Variants in SORL1 observed in about 807,000 individuals in gnomAD.
The protein encoded by SORL1 is sortilin related receptor 1.
Under a neutral mutation model 273.7 loss-of-function variants are expected in SORL1, and 127 were observed. That is an observed-to-expected ratio of 0.46 (90% CI 0.40 to 0.54). SORL1 has a LOEUF of 0.54. SORL1 is among the 20% of genes least tolerant of loss of function. The pLI, the probability that SORL1 is intolerant of heterozygous loss-of-function variation, is 0.00. For synonymous variants in SORL1, 1,031 were observed against 1,067.4 expected (o/e 0.97, Z 0.66); for missense variants, 2,494 against 2,846.1 (o/e 0.88, Z 2.81).
intron 1 of SORL1, among the ~76,000 whole-genome samples, chr11:121,464,773 G>A (rs550636103): frequency 6.6e-6 from 1 of 152,298 alleles, no homozygotes; most frequent in East Asian, 1.9e-4. Flanking sequence ...CTGGGGACAG[G>A]GAGGCCTGTG....
chr11:121,507,677 T>G (rs959380918), intron 6 of SORL1, among the ~76,000 whole-genome samples: 22 of 152,284 alleles, frequency 1.4e-4, no homozygotes, highest in African/African-American at 4.8e-4. Context: ...TCTCATACTG[T>G]CCTTTCATAC....
Position 121,627,568 on chromosome 11 carries a change from T to C in SORL1, c.6378T>C (p.Ser2126=). 4 of 1,614,160 alleles carry C rather than the reference T, an allele frequency of 2.5e-6. No homozygotes were observed. Among genetic ancestry groups the C allele is most frequent in the Non-Finnish European group, 3.4e-6 (4 of 1,180,006 alleles). The change falls in exon 47 of 48, where the codon TCT becomes TCC. Residue 2126 remains serine (S), a synonymous_variant. Coordinates refer to ENST00000260197, the MANE Select transcript of SORL1 (RefSeq NM_003105.6). This position sits in a 1 kb window ranked among gnomAD's most constrained non-coding sequence, Gnocchi z 4.9. ...YDELGSGADA[S]ATQAARSTDV... ...TTGCCTTGGCAGGTGCAGATGCATC[T>C]GCAACGCAGGCTGCCAGATCTACGG...
chr11:121,540,105 A>G (rs1278558255), intron 12 of SORL1, among the ~76,000 whole-genome samples: 2 of 152,210 alleles, frequency 1.3e-5, no homozygotes, highest in Non-Finnish European at 2.9e-5. Context: ...GCTCTTGGTT[A>G]TATGACCTTT....
intron 41 of SORL1, among the ~76,000 whole-genome samples, chr11:121,616,577 C>T (rs184370221): frequency 4.5e-4 from 69 of 152,326 alleles, no homozygotes; most frequent in African/African-American, 1.6e-3. Flanking sequence ...TGGCCTACTC[C>T]CATCTCATGC....
chr11:121,505,694 G>A (rs1443784939), intron 6 of SORL1, among the ~76,000 whole-genome samples: 3 of 151,646 alleles, frequency 2.0e-5, no homozygotes, highest in African/African-American at 7.3e-5. Flanking sequence ...GATTCCTTTT[G>A]ACTTCATTGA....
In SORL1 at chr11:121,550,192, T is replaced by G; in HGVS notation, c.2180+104T>G. ...TTGCTCTACACTCGAAATTCTAGAA[T>G]TCCAAGTTAACAGCCTGCAAGTAGT... is the stretch of plus-strand genomic sequence containing the variant. On this transcript the variant is annotated intron_variant, in intron 15 of 47. Transcript: ENST00000260197. The surrounding 1 kb of genome is among the most constrained non-coding windows in gnomAD (Gnocchi z 5.3). 1 of 1,219,452 alleles carries G rather than the reference T, an allele frequency of 8.2e-7. No homozygotes were observed. The highest frequency in any genetic ancestry group is 1.1e-6 in the Non-Finnish European group (1 of 891,392). The allele number at this position is 1,219,452 out of a possible 1,614,324, so 75.5% of individuals were successfully genotyped here. A position where few individuals can be genotyped will look rare whatever the true frequency, so the allele number is the denominator to read the frequency against.
intron 11 of SORL1, among the ~76,000 whole-genome samples, chr11:121,531,853 CT>C (rs1485812599): frequency 6.6e-6 from 1 of 152,186 alleles, no homozygotes; most frequent in Non-Finnish European, 1.5e-5. Flanking sequence ...TCTCTGGTTC[CT>C]TTGGGGGAAA....
intron 6 of SORL1, among the ~76,000 whole-genome samples, chr11:121,497,442 G>A (rs1183480545): frequency 1.3e-5 from 2 of 152,192 alleles, no homozygotes; most frequent in Non-Finnish European, 2.9e-5. Context: ...AACTTATGCT[G>A]ATTTCTTTGA....
At chr11:121,535,273 T>C (rs939568453) in intron 12 of SORL1, among the ~76,000 whole-genome samples, 1 of 152,246 alleles carries the variant, frequency 6.6e-6, no homozygotes, top group African/African-American at 2.4e-5. Flanking sequence ...AGAGATGACC[T>C]AATCTACTTT....
At chr11:121,521,227 T>C (rs1862038494) in intron 9 of SORL1, among the ~76,000 whole-genome samples, 1 of 152,178 alleles carries the variant, frequency 6.6e-6, no homozygotes, top group Non-Finnish European at 1.5e-5. Context: ...TTGGAGACTC[T>C]TACCTTAGAA....
intron 40 of SORL1, among the ~76,000 whole-genome samples, chr11:121,613,285 C>T (rs893195012): frequency 2.0e-5 from 3 of 152,172 alleles, no homozygotes; most frequent in African/African-American, 7.2e-5. Context: ...GGACAACAAA[C>T]TAAGGGAGGA....
intron 3 of SORL1, among the ~76,000 whole-genome samples, chr11:121,482,804 G>C (rs1339446831): frequency 1.3e-5 from 2 of 152,266 alleles, no homozygotes; most frequent in East Asian, 3.8e-4. Flanking sequence ...AAAGGGCAGC[G>C]TGGATGTCTA....
chr11:121,501,460 T>C (rs1861706553), intron 6 of SORL1, among the ~76,000 whole-genome samples: 1 of 152,198 alleles, frequency 6.6e-6, no homozygotes, highest in Non-Finnish European at 1.5e-5. Context: ...ATGGAAATCA[T>C]ACAATTTGTG....
intron 6 of SORL1, among the ~76,000 whole-genome samples, chr11:121,512,088 GT>G (rs1227404029): frequency 6.6e-6 from 1 of 152,162 alleles, no homozygotes; most frequent in Non-Finnish European, 1.5e-5. Flanking sequence ...TTTTATAATA[GT>G]TCTTATCCTT....
intron 45 of SORL1, among the ~76,000 whole-genome samples, chr11:121,623,135 A>G (rs1218832405): frequency 6.6e-6 from 1 of 152,258 alleles, no homozygotes; most frequent in Non-Finnish European, 1.5e-5. Flanking sequence ...TCAAAATGGA[A>G]ATATTCTAAT....
rs1861923361 is a variant in SORL1 at position 121,514,505 on chromosome 11, A to G, written c.1211+184A>G. 6.6e-6 allele frequency among the ~76,000 whole-genome samples: 1 copy of G among 152,194 alleles called. No homozygotes were observed. Among genetic ancestry groups the G allele is most frequent in the Non-Finnish European group, 1.5e-5 (1 of 68,034 alleles). ...GATGGGTTTGGGGTGTGGCCAGGTT[A>G]TGAGGATCTTAAGAAGCGCCCTAGG... On this transcript the variant is annotated intron_variant, in intron 8 of 47. Transcript: ENST00000260197.
At position 121,549,989 on chromosome 11, in the gene SORL1, T is replaced by G; in HGVS notation, c.2081T>G (p.Leu694Trp). 1.2e-6 allele frequency: 2 copies of G among 1,613,786 alleles called. No homozygotes were observed. The highest frequency in any genetic ancestry group is 2.2e-5 in the South Asian group (2 of 91,074). ...TTCGGTTTCAAGATGAGTGAAGATT[T>G]GTCATTAGAGGTTTGTGTTCCAGAT... ...CDFGFKMSED[L>W]SLEVCVPDPE... The change falls in exon 15 of 48, where the codon TTG (leucine) becomes TGG (tryptophan). Residue 694 changes from leucine to tryptophan, a missense_variant. Coordinates refer to ENST00000260197, the MANE Select transcript of SORL1 (RefSeq NM_003105.6).
In SORL1 at chr11:121,503,385, G is replaced by C. The variant is rs540380411; in HGVS notation, c.939+6336G>C. On this transcript the variant is annotated intron_variant, in intron 6 of 47. Coordinates refer to ENST00000260197, the MANE Select transcript of SORL1 (RefSeq NM_003105.6). ...GTTATTTACCTTCATTCTTTTGCAT[G>C]TGGATAACCAGTTGTCCCACCACCA... Among the ~76,000 whole-genome samples, 9 of 151,998 alleles carry C rather than the reference G, an allele frequency of 5.9e-5. 1 individual carries two copies. The South Asian group carries it at 1.9e-3, about 32-fold the overall frequency.
intron 24 of SORL1, chr11:121,576,633 G>T: frequency 1.6e-6 from 1 of 642,098 alleles, no homozygotes; most frequent in East Asian, 2.8e-5. Context: ...GATCTCCCCA[G>T]GAGCTTTGAA....
Sources: allele counts gnomAD v4.1 joint callset (sites outside exome capture counted in the v4.1 genomes callset), GRCh38; gene constraint gnomAD v4.1.1; non-coding constraint Gnocchi (gnomAD v3.1); transcripts MANE v1.5; gene names NCBI Gene and HGNC (gene_info 2026-07-23, HGNC 2026-07-21).